Variants in L2HGDH observed in about 807,000 individuals in gnomAD.
L2HGDH encodes the protein L-2-hydroxyglutarate dehydrogenase, mitochondrial.
L2HGDH carries 34 observed loss-of-function variants against 51.5 expected under a neutral mutation model. The ratio of observed to expected loss-of-function variants is 0.66; its 90% CI spans 0.50 to 0.88. The LOEUF (loss-of-function observed/expected upper bound fraction) is 0.88, where lower values mean the gene tolerates loss of function less well. Among genes scored for constraint, L2HGDH ranks in the 40% least tolerant of loss-of-function variants. The probability of loss-of-function intolerance (pLI) is 0.00; values close to 1 mark genes in which losing one functional copy is unlikely to be tolerated. For synonymous variants in L2HGDH, 198 were observed against 197.9 expected (o/e 1.00, Z -0.01); for missense variants, 558 against 571.9 (o/e 0.98, Z 0.25).
rs919438788 is a variant in L2HGDH, at chr14:50,245,464, A to G, written c.*1594T>C. On this transcript the variant is annotated 3_prime_UTR_variant, in exon 10 of 10. Coordinates refer to ENST00000267436, the MANE Select transcript of L2HGDH (RefSeq NM_024884.3). The stretch of plus-strand genomic sequence containing the variant: ...CCACATCAGTTACAAAGAGACTGGA[A>G]ATAATAAAGGCTTTGAGTTTGTTTT... 5.1e-6 allele frequency: 5 copies of G among 984,268 alleles called. No individual in the cohort carries two copies. The highest frequency in any genetic ancestry group is 4.7e-5 in the South Asian group (1 of 21,276). The allele number at this position is 984,268 out of a possible 1,614,324, so 61.0% of individuals were successfully genotyped here.
intron 1 of L2HGDH, among the ~76,000 whole-genome samples, chr14:50,304,166 CA>C (rs1435966805): frequency 1.3e-5 from 2 of 152,040 alleles, no homozygotes; most frequent in Non-Finnish European, 2.9e-5. Context: ...AACTGTAACA[CA>C]ATGGTAAGTA....
intron 3 of L2HGDH, among the ~76,000 whole-genome samples, chr14:50,298,614 G>T (rs567210058): frequency 3.3e-5 from 5 of 152,076 alleles, no homozygotes; most frequent in Non-Finnish European, 7.4e-5. Context: ...ATGCCCGGCC[G>T]GGAGGTCAAG....
intron 4 of L2HGDH, among the ~76,000 whole-genome samples, chr14:50,291,343 T>C (rs1890879440): frequency 6.6e-6 from 1 of 150,680 alleles, no homozygotes; most frequent in Non-Finnish European, 1.5e-5. Context: ...GAGTATGAAA[T>C]AAGCAGGTGG....
intron 9 of L2HGDH, among the ~76,000 whole-genome samples, chr14:50,254,494 G>A (rs1211252901): frequency 1.3e-5 from 2 of 152,028 alleles, no homozygotes; most frequent in Admixed American, 6.6e-5. Context: ...TGAACTCATC[G>A]AAGTAGCATT....
At chr14:50,304,205 A>G (rs1475481270) in intron 1 of L2HGDH, among the ~76,000 whole-genome samples, 3 of 152,224 alleles carry the variant, frequency 2.0e-5, no homozygotes, top group Non-Finnish European at 2.9e-5. Context: ...GTGTACATAT[A>G]AAAAAGGTAC....
At chr14:50,295,268 C>T (rs1322528699) in intron 3 of L2HGDH, among the ~76,000 whole-genome samples, 2 of 152,142 alleles carry the variant, frequency 1.3e-5, no homozygotes, top group African/African-American at 4.8e-5. Flanking sequence ...CAAGCTACTT[C>T]AAAGGCTGAG....
At position 50,287,421 on chromosome 14, in the gene L2HGDH, CAATTA is replaced by C. The variant is rs771918101; in HGVS notation, c.541-3393_541-3389del. On this transcript the variant is annotated intron_variant, in intron 4 of 9. Coordinates refer to ENST00000267436, the MANE Select transcript of L2HGDH (RefSeq NM_024884.3). ...CAGTAATCCTGTTTTTCAAACTCTA[CAATTA>C]AATTATTTTCATGACCAAATCTATA... The C allele has an allele frequency of 1.0e-3, 532 of 513,612 alleles. 1 individual carries two copies. Among genetic ancestry groups the C allele is most frequent in the Non-Finnish European group, 1.3e-3 (502 of 399,782 alleles). The allele number at this position is 513,612 out of a possible 1,614,324, so 31.8% of individuals were successfully genotyped here. A position where few individuals can be genotyped will look rare whatever the true frequency, so the allele number is the denominator to read the frequency against.
chr14:50,257,306 T>C (rs1448144353), intron 9 of L2HGDH, among the ~76,000 whole-genome samples: 2 of 152,130 alleles, frequency 1.3e-5, no homozygotes, highest in African/African-American at 2.4e-5. Flanking sequence ...ACCTTCCAAT[T>C]TGATAATTTC....
intron 9 of L2HGDH, among the ~76,000 whole-genome samples, chr14:50,257,018 C>T (rs1888704432): frequency 6.6e-6 from 1 of 152,166 alleles, no homozygotes; most frequent in South Asian, 2.1e-4. Flanking sequence ...TCACTGCAAC[C>T]TCTGCCTCGC....
At chr14:50,254,023 C>T (rs540309797) in intron 9 of L2HGDH, among the ~76,000 whole-genome samples, 4 of 151,860 alleles carry the variant, frequency 2.6e-5, no homozygotes, top group South Asian at 2.1e-4. Context: ...CCAGAGGCTG[C>T]GAAAGGTAGT....
In L2HGDH at chr14:50,246,945, T is replaced by A; in HGVS notation, c.*113A>T. On this transcript the variant is annotated 3_prime_UTR_variant, in exon 10 of 10. Coordinates refer to ENST00000267436, the MANE Select transcript of L2HGDH (RefSeq NM_024884.3). The stretch of plus-strand genomic sequence containing the variant: ...CATCATTTTAACAATGCAGTGGTTA[T>A]CTTTGACCTAAAAACTAAAGTTTAA... 1 of 1,408,940 alleles carries A rather than the reference T, an allele frequency of 7.1e-7. No individual in the cohort carries two copies. Among genetic ancestry groups the A allele is most frequent in the South Asian group, 1.4e-5 (1 of 71,244 alleles). 87.3% of individuals were successfully genotyped at this position (1,408,940 alleles called of 1,614,324 possible). A position where few individuals can be genotyped will look rare whatever the true frequency, so the allele number is the denominator to read the frequency against.
At chr14:50,308,388 G>GAA (rs71118865) in intron 1 of L2HGDH, among the ~76,000 whole-genome samples, 74 of 131,512 alleles carry the variant, frequency 5.6e-4, no homozygotes, top group African/African-American at 1.4e-3. Flanking sequence ...CTCCATCTCA[G>GAA]AAAAAAAAAA....
intron 4 of L2HGDH, among the ~76,000 whole-genome samples, chr14:50,290,410 T>A (rs550453719): frequency 6.6e-6 from 1 of 152,322 alleles, no homozygotes; most frequent in South Asian, 2.1e-4. Flanking sequence ...CAAATTTGAT[T>A]AAATTTCCTA....
chr14:50,252,490 T>TG (rs1888422256), intron 9 of L2HGDH, among the ~76,000 whole-genome samples: 1 of 135,040 alleles, frequency 7.4e-6, no homozygotes, highest in Non-Finnish European at 1.6e-5. Flanking sequence ...AGTAGCTGAA[T>TG]GGATGAAAAA....
chr14:50,298,537 A>T (rs1341380529), intron 3 of L2HGDH, among the ~76,000 whole-genome samples: 1 of 151,572 alleles, frequency 6.6e-6, no homozygotes, highest in African/African-American at 2.4e-5. Context: ...CTGGTCTCGA[A>T]CTCCTGACCT....
intron 1 of L2HGDH, among the ~76,000 whole-genome samples, chr14:50,309,161 G>C (rs904516902): frequency 6.6e-6 from 1 of 152,116 alleles, no homozygotes; most frequent in Non-Finnish European, 1.5e-5. Flanking sequence ...TTTTGATGAA[G>C]TCCATTTTGT....
At chr14:50,295,921 T>G (rs2030013774) in intron 3 of L2HGDH, among the ~76,000 whole-genome samples, 1 of 151,428 alleles carries the variant, frequency 6.6e-6, no homozygotes, top group South Asian at 2.1e-4. Context: ...GTGTTTTCAG[T>G]AGAAATGGGG....
chr14:50,266,987 A>T (rs1889370577), intron 8 of L2HGDH, among the ~76,000 whole-genome samples: 1 of 152,170 alleles, frequency 6.6e-6, no homozygotes. Context: ...TGGCTTACAA[A>T]ATGATGGAGA....
chr14:50,281,132 G>C (rs115253800), intron 5 of L2HGDH, among the ~76,000 whole-genome samples: 1,609 of 152,142 alleles, frequency 0.011, 24 homozygotes, highest in African/African-American at 0.037. Flanking sequence ...AGACTTCTAA[G>C]GGAGAGAAAA....
Sources: allele counts gnomAD v4.1 joint callset (sites outside exome capture counted in the v4.1 genomes callset), GRCh38; gene constraint gnomAD v4.1.1; transcripts MANE v1.5; gene names NCBI Gene and HGNC (gene_info 2026-07-23, HGNC 2026-07-21).